HAO1: variants seen among roughly 807,000 people sequenced by gnomAD.
HAO1 encodes hydroxyacid oxidase 1.
Under a neutral mutation model 39.7 loss-of-function variants are expected in HAO1, and 34 were observed. The observed-to-expected ratio is 0.86, with a 90% CI of 0.65 to 1.14. The LOEUF (loss-of-function observed/expected upper bound fraction) is 1.14. HAO1 is among the 50% of genes most tolerant of loss of function. The pLI is 0.00. For synonymous variants in HAO1, 172 were observed against 173.2 expected (o/e 0.99, Z 0.05); for missense variants, 479 against 464.5 (o/e 1.03, Z -0.29).
intron 2 of HAO1, among the ~76,000 whole-genome samples, chr20:7,928,805 A>G (rs1211156195): frequency 1.3e-5 from 2 of 152,212 alleles, no homozygotes; most frequent in South Asian, 2.1e-4. Context: ...GTAGCCCACA[A>G]AAGTATTTAC....
At chr20:7,931,263 A>G (rs2050384371) in intron 2 of HAO1, among the ~76,000 whole-genome samples, 1 of 152,062 alleles carries the variant, frequency 6.6e-6, no homozygotes, top group African/African-American at 2.4e-5. Context: ...CCTTATCCAA[A>G]TGTCTATTGT....
At position 7,885,726 on chromosome 20, in the gene HAO1, C is replaced by G. The variant is rs751134577; in HGVS notation, c.952G>C (p.Val318Leu). The G allele has an allele frequency of 1.9e-6, 3 of 1,613,448 alleles. No homozygotes were observed. Among genetic ancestry groups the G allele is most frequent in the Non-Finnish European group, 2.5e-6 (3 of 1,179,544 alleles). ...GTTACCTGGAAAGCTAAGCCCCAAACGATTGGTCTCCCCACAAACACAGCC... is the reference window on the plus strand; with the variant it reads ...GTTACCTGGAAAGCTAAGCCCCAAAGGATTGGTCTCCCCACAAACACAGCC... ...AKAVFVGRPI[V>L]WGLAFQGEKG... Residue 318 changes from valine to leucine, a missense_variant, in exon 6 of 8, where the codon GTT (valine) becomes CTT (leucine). Physicochemically the swap from Val to Leu is conservative, Grantham distance 32. Transcript: ENST00000378789.
In HAO1 at chr20:7,890,374, C is replaced by T. The variant is rs545842551; in HGVS notation, c.814-4510G>A. On this transcript the variant is annotated intron_variant, in intron 5 of 7. Transcript: ENST00000378789. ...GATTACAGATGCCAACCACCATGCC[C>T]GGCTAATTTTTGTGTATTTAGTAGA... Among the ~76,000 whole-genome samples, 287 of 151,956 alleles carry T rather than the reference C, an allele frequency of 1.9e-3. 1 individual carries two copies. The highest frequency in any genetic ancestry group is 6.5e-3 in the African/African-American group (270 of 41,442).
intron 3 of HAO1, among the ~76,000 whole-genome samples, chr20:7,910,149 T>C (rs2050271483): frequency 6.6e-6 from 1 of 152,140 alleles, no homozygotes; most frequent in Non-Finnish European, 1.5e-5. Context: ...TATAAATAAA[T>C]AAAACAGTTA....
At chr20:7,900,410 G>T (rs927665214) in intron 4 of HAO1, among the ~76,000 whole-genome samples, 1 of 152,026 alleles carries the variant, frequency 6.6e-6, no homozygotes, top group African/African-American at 2.4e-5. Context: ...TGGCAACCCC[G>T]CATCAAGCAA....
intron 5 of HAO1, among the ~76,000 whole-genome samples, chr20:7,886,765 C>T (rs1396356549): frequency 6.6e-6 from 1 of 152,210 alleles, no homozygotes; most frequent in East Asian, 1.9e-4. Context: ...GTGCACTTGC[C>T]TGCACCTTAG....
rs371881781 is a variant in HAO1, at chr20:7,939,052, G to C, written c.137+1234C>G. On this transcript the variant is annotated intron_variant, in intron 1 of 7. Transcript: ENST00000378789. ...AAGAGACCACTCATAGGCAAATTTT[G>C]GTGGACAAAGTTAATATCGGCCCAA... Among the ~76,000 whole-genome samples the C allele has an allele frequency of 1.6e-4, 25 of 152,218 alleles. No individual in the cohort carries two copies. The East Asian group carries it at 2.5e-3, about 15-fold the overall frequency.
chr20:7,912,225 A>G (rs575511590), intron 3 of HAO1, among the ~76,000 whole-genome samples: 4 of 152,212 alleles, frequency 2.6e-5, no homozygotes, highest in African/African-American at 9.6e-5. Flanking sequence ...GGAGCCCAGG[A>G]GCAAAAGAAA....
intron 5 of HAO1, among the ~76,000 whole-genome samples, chr20:7,894,101 C>T (rs1273992210): frequency 1.3e-5 from 2 of 152,180 alleles, no homozygotes; most frequent in African/African-American, 4.8e-5. Context: ...AAGTGGACAG[C>T]ACATAAGGGA....
At chr20:7,899,696 T>G (rs1287626854) in intron 4 of HAO1, among the ~76,000 whole-genome samples, 2 of 152,198 alleles carry the variant, frequency 1.3e-5, no homozygotes, top group Non-Finnish European at 2.9e-5. Flanking sequence ...CCCCTTTTAT[T>G]AGCTGCTTAT....
chr20:7,886,388 G>T (rs1481363101), intron 5 of HAO1, among the ~76,000 whole-genome samples: 1 of 151,954 alleles, frequency 6.6e-6, no homozygotes, highest in African/African-American at 2.4e-5. Flanking sequence ...TGGCCAGACT[G>T]GTCTCGAACT....
chr20:7,917,352 A>AT lies in HAO1; in HGVS notation c.290-2934_290-2933insA, dbSNP rs1208779689. The stretch of plus-strand genomic sequence containing the variant: ...GAGACTCCCTGTCAAAAAAAAAAAA[A>AT]AAAAAAAAGTCCTGAAGAGGATGTT... On this transcript the variant is annotated intron_variant, in intron 2 of 7. Transcript: ENST00000378789. Among the ~76,000 whole-genome samples, 3 of 151,768 alleles carry AT rather than the reference A, an allele frequency of 2.0e-5. No homozygotes were observed. The East Asian group carries it at 5.8e-4, about 29-fold the overall frequency.
intron 5 of HAO1, among the ~76,000 whole-genome samples, chr20:7,894,164 A>G (rs1287117246): frequency 6.6e-6 from 1 of 152,116 alleles, no homozygotes; most frequent in Admixed American, 6.5e-5. Flanking sequence ...TGGATCATGG[A>G]TCCATAAAAT....
intron 4 of HAO1, among the ~76,000 whole-genome samples, chr20:7,896,571 T>C (rs554600723): frequency 6.6e-6 from 1 of 152,284 alleles, no homozygotes; most frequent in Non-Finnish European, 1.5e-5. Context: ...AAATTATAGG[T>C]ATAGGAAACT....
intron 2 of HAO1, among the ~76,000 whole-genome samples, chr20:7,923,169 G>A (rs1462717522): frequency 1.3e-5 from 2 of 152,112 alleles, no homozygotes; most frequent in Non-Finnish European, 2.9e-5. Context: ...CATCAAGTAT[G>A]AATGCAGCTA....
In HAO1 at chr20:7,891,844, T is replaced by G. The variant is rs117859573; in HGVS notation, c.813+3289A>C. Among the ~76,000 whole-genome samples, 1,522 of 152,262 alleles carry G rather than the reference T, an allele frequency of 1.0e-2. 8 individuals are homozygous for G. Among genetic ancestry groups the G allele is most frequent in the Non-Finnish European group, 0.014 (966 of 68,016 alleles). ...ATTTCAGTAGATTTATATTTAATTT[T>G]TAGAAAACAATTTGGCCCGCCCACT... is the stretch of plus-strand genomic sequence containing the variant. On this transcript the variant is annotated intron_variant, in intron 5 of 7. Transcript: ENST00000378789.
intron 3 of HAO1, among the ~76,000 whole-genome samples, chr20:7,909,982 G>T (rs1363723831): frequency 6.6e-6 from 1 of 152,124 alleles, no homozygotes; most frequent in Non-Finnish European, 1.5e-5. Context: ...CTAGAAGAAG[G>T]TTCAGGGAAT....
rs2050146477 is a variant in HAO1 at position 7,885,506 on chromosome 20, A to G, written c.1042+15T>C. Reference sequence around the variant, plus strand: ...CATAAAAGAAAAGAAAGTTGTAAACAAGAATGAGTCTTACCACTCAGAGCC... The same window carrying G: ...CATAAAAGAAAAGAAAGTTGTAAACGAGAATGAGTCTTACCACTCAGAGCC... On this transcript the variant is annotated intron_variant, in intron 7 of 7. Transcript: ENST00000378789. 1 of 1,555,224 alleles carries G rather than the reference A, an allele frequency of 6.4e-7. No homozygotes were observed. The highest frequency in any genetic ancestry group is 1.4e-5 in the African/African-American group (1 of 73,948).
At chr20:7,934,688 A>G in intron 1 of HAO1, 53 bp from the exon 2 acceptor site, 2 of 1,141,770 alleles carry the variant, frequency 1.8e-6, no homozygotes, top group Non-Finnish European at 1.2e-6. Context: ...CAGAATCATA[A>G]CCAAAACTTT....
Sources: gnomAD v4.1 joint callset for allele counts (sites outside exome capture counted in the v4.1 genomes callset) on GRCh38, gnomAD v4.1.1 for gene constraint, MANE v1.5 for transcripts, NCBI Gene and HGNC (gene_info 2026-07-23, HGNC 2026-07-21) for gene names.